The following GNG2 variants were observed in gnomAD, a reference collection of about 807,000 sequenced individuals.
GNG2 encodes guanine nucleotide-binding protein G(I)/G(S)/G(O) subunit gamma-2.
A neutral mutation model predicts 5.5 loss-of-function variants in GNG2; 5 were observed. The ratio of observed to expected loss-of-function variants is 0.91; its 90% CI spans 0.48 to 1.92. GNG2 has a LOEUF of 1.92. Among genes scored for constraint, GNG2 ranks in the 30% most tolerant of loss-of-function variants. GNG2 has a pLI of 0.01. For synonymous variants in GNG2, 28 were observed against 32.0 expected, an observed-to-expected ratio of 0.88 and a Z score of 0.42; for missense variants, 55 against 88.4, an observed-to-expected ratio of 0.62 and a Z score of 1.52.
chr14:51,916,943 G>A (rs1886681130), intron 2 of GNG2, among the ~76,000 whole-genome samples: 1 of 152,170 alleles, frequency 6.6e-6, no homozygotes, highest in African/African-American at 2.4e-5. Context: ...CTGGCTATGA[G>A]ACTTAAGGAA....
intron 3 of GNG2, chr14:51,951,895 C>T (rs1293002470): frequency 4.3e-6 from 3 of 702,064 alleles, no homozygotes; most frequent in African/African-American, 1.7e-5. Flanking sequence ...AGGAAGTTCA[C>T]TGACCCCTGG....
At chr14:51,898,757 C>T (rs928246260) in intron 2 of GNG2, among the ~76,000 whole-genome samples, 2 of 152,296 alleles carry the variant, frequency 1.3e-5, no homozygotes, top group East Asian at 3.9e-4. Context: ...AAGAGCTTCC[C>T]GGCCAACTGC....
At chr14:51,862,342 G>A (rs1412295948) in intron 1 of GNG2, among the ~76,000 whole-genome samples, 1 of 152,212 alleles carries the variant, frequency 6.6e-6, no homozygotes, top group Non-Finnish European at 1.5e-5. Flanking sequence ...GGCAAAACAA[G>A]TCGTGACATG....
chr14:51,832,352 G>GTA (rs34352356), intron 2 of GNG2, among the ~76,000 whole-genome samples: 14,550 of 152,030 alleles, frequency 0.096, 991 homozygotes, highest in Non-Finnish European at 0.15. Context: ...TTTAATGTGT[G>GTA]TATATATATA....
intron 2 of GNG2, among the ~76,000 whole-genome samples, chr14:51,851,817 T>C (rs961690169): frequency 2.0e-5 from 3 of 152,226 alleles, no homozygotes; most frequent in Admixed American, 2.0e-4. Context: ...TTCTTCTCTC[T>C]TGCCTATAGT....
chr14:51,895,364 G>A (rs1298292937), intron 2 of GNG2, among the ~76,000 whole-genome samples: 6 of 152,148 alleles, frequency 3.9e-5, no homozygotes, highest in African/African-American at 4.8e-5. Context: ...ATAAATAAAT[G>A]TTAACGAATC....
chr14:51,867,814 A>G (rs538971923), intron 1 of GNG2, among the ~76,000 whole-genome samples: 1 of 152,062 alleles, frequency 6.6e-6, no homozygotes, highest in African/African-American at 2.4e-5. Context: ...TTTTTCCCCA[A>G]TAAAAAAACA....
intron 3 of GNG2, among the ~76,000 whole-genome samples, chr14:51,960,853 G>A (rs1889571064): frequency 6.6e-6 from 1 of 152,098 alleles, no homozygotes; most frequent in Non-Finnish European, 1.5e-5. Flanking sequence ...TGATCTCCAG[G>A]ATTGTTTTAC....
intron 2 of GNG2, among the ~76,000 whole-genome samples, chr14:51,900,662 C>T (rs1885486738): frequency 6.6e-6 from 1 of 151,420 alleles, no homozygotes; most frequent in South Asian, 2.1e-4. Flanking sequence ...CTCCCAGAAA[C>T]CAGTTCTGTG....
At chr14:51,923,715 GTTTCACTTTATTTTATTTAAAACTA>G (rs1887156551) in intron 2 of GNG2, among the ~76,000 whole-genome samples, 1 of 152,098 alleles carries the variant, frequency 6.6e-6, no homozygotes, top group Admixed American at 6.6e-5. Flanking sequence ...TATGGTAAAA[GTTTCACTTTATTTTATTTAAAACTA>G]TGTATATAGA....
At position 51,948,234 on chromosome 14, in the gene GNG2, C is replaced by T. The variant is rs576925980; in HGVS notation, c.-29-2416C>T. Among the ~76,000 whole-genome samples the T allele has an allele frequency of 2.0e-4, 31 of 152,252 alleles. No individual in the cohort carries two copies. The South Asian group carries it at 2.3e-3, about 11-fold the overall frequency. Reference sequence around the variant, plus strand: ...ATACACCTAGCTAAAATTCAGGGTTCTTGTGGTCTCCACTAAGAAAAAAAG... The same window carrying T: ...ATACACCTAGCTAAAATTCAGGGTTTTTGTGGTCTCCACTAAGAAAAAAAG... On this transcript the variant is annotated intron_variant, in intron 2 of 3. Coordinates refer to ENST00000556766, the MANE Select transcript of GNG2 (RefSeq NM_053064.5).
chr14:51,955,853 T>C (rs1041245103), intron 3 of GNG2, among the ~76,000 whole-genome samples: 1 of 152,170 alleles, frequency 6.6e-6, no homozygotes, highest in Admixed American at 6.5e-5. Flanking sequence ...AGGACAAATA[T>C]GTATAAATTA....
intron 2 of GNG2, among the ~76,000 whole-genome samples, chr14:51,909,356 G>A (rs1395565834): frequency 6.6e-6 from 1 of 152,132 alleles, no homozygotes; most frequent in African/African-American, 2.4e-5. Context: ...AAGTGAAAGG[G>A]TATAACATTA....
chr14:51,860,469 C>T (rs1056527490), upstream of GNG2: 4 of 152,438 alleles, frequency 2.6e-5, no homozygotes, highest in African/African-American at 7.3e-5. Context: ...CAGGAGCAGA[C>T]AAAACCACCA....
At chr14:51,860,546 G>A (rs1043938667), upstream of GNG2, 3 of 152,614 alleles carry the variant, frequency 2.0e-5, no homozygotes, top group African/African-American at 7.2e-5. Flanking sequence ...AAGAAGAGGA[G>A]GAAGTGGGAG....
chr14:51,856,438 T>G (rs968424689), upstream of GNG2, among the ~76,000 whole-genome samples: 5 of 152,210 alleles, frequency 3.3e-5, no homozygotes, highest in African/African-American at 1.2e-4. Context: ...TTTTCTTTTT[T>G]GTTGTTGTTG....
At chr14:51,851,967 T>G (rs1881928095) in intron 2 of GNG2, among the ~76,000 whole-genome samples, 1 of 152,210 alleles carries the variant, frequency 6.6e-6, no homozygotes, top group Non-Finnish European at 1.5e-5. Context: ...TTGGCAGGAT[T>G]TACTGAAGTC....
intron 1 of GNG2, among the ~76,000 whole-genome samples, chr14:51,875,310 G>GA (rs1433933952): frequency 6.6e-6 from 1 of 152,226 alleles, no homozygotes; most frequent in Non-Finnish European, 1.5e-5. Context: ...GAAGAAGTTG[G>GA]AAGGGGAGGC....
chr14:51,965,900 A>G (rs1566719970), intron 3 of GNG2, among the ~76,000 whole-genome samples: 1 of 152,018 alleles, frequency 6.6e-6, no homozygotes. Context: ...TGGGGCAATG[A>G]GATATCGGAG....
Sources: gnomAD v4.1 joint callset for allele counts (sites outside exome capture counted in the v4.1 genomes callset) on GRCh38, gnomAD v4.1.1 for gene constraint, MANE v1.5 for transcripts, NCBI Gene and HGNC (gene_info 2026-07-23, HGNC 2026-07-21) for gene names.